Variants in NEBL observed in about 807,000 individuals in gnomAD.
The protein encoded by NEBL is nebulette, also known as LIM and SH3 protein 2.
A neutral mutation model predicts 140.2 loss-of-function variants in NEBL; 122 were observed. The ratio of observed to expected loss-of-function variants is 0.87; its 90% CI spans 0.75 to 1.01. The LOEUF (loss-of-function observed/expected upper bound fraction) is 1.01, where lower values mean the gene tolerates loss of function less well. NEBL is among the 50% of genes least tolerant of loss of function. The pLI, the probability that NEBL is intolerant of heterozygous loss-of-function variation, is 0.00. For synonymous variants in NEBL, 436 were observed against 398.9 expected (o/e 1.09, Z -1.11); for missense variants, 1,365 against 1,231.3 (o/e 1.11, Z -1.62).
At chr10:21,240,946 A>AC (rs61320302) in intron 3 of NEBL, among the ~76,000 whole-genome samples, 125 of 150,484 alleles carry the variant, frequency 8.3e-4, no homozygotes, top group Non-Finnish European at 1.3e-3. Context: ...ACACACACAC[A>AC]AAACCAGTAT....
chr10:20,782,352 T>C lies in NEBL; in HGVS notation c.*3395A>G, dbSNP rs1276378369. ...TGGTATATCTTTTATCCACTTTCTA[T>C]AGGGATGTGTTATTAAAGATCACAC... On this transcript the variant is annotated 3_prime_UTR_variant, in exon 28 of 28. Transcript: ENST00000377122. The C allele has an allele frequency of 6.6e-6, 1 of 152,646 alleles. No individual in the cohort carries two copies. The highest frequency in any genetic ancestry group is 1.9e-4 in the East Asian group (1 of 5,202). 9.5% of individuals were successfully genotyped at this position (152,646 alleles called of 1,614,324 possible). A position where few individuals can be genotyped will look rare whatever the true frequency, so the allele number is the denominator to read the frequency against.
intron 13 of NEBL, among the ~76,000 whole-genome samples, chr10:20,837,702 T>G (rs991675974): frequency 2.0e-5 from 3 of 152,184 alleles, no homozygotes; most frequent in East Asian, 1.9e-4. Flanking sequence ...GAGAAGTCAA[T>G]GTCTGCTTCA....
chr10:21,030,683 C>T (rs1033463948), intron 2 of NEBL: 32 of 489,328 alleles, frequency 6.5e-5, no homozygotes, highest in Non-Finnish European at 2.4e-5. Flanking sequence ...AAAGACCACA[C>T]TGGGAACTCT....
intron 26 of NEBL, among the ~76,000 whole-genome samples, chr10:20,797,436 A>C (rs1424351238): frequency 6.6e-6 from 1 of 152,222 alleles, no homozygotes; most frequent in African/African-American, 2.4e-5. Flanking sequence ...CCTAAGTGAC[A>C]AGCCACACTA....
In NEBL at chr10:21,068,394, G is replaced by A. The variant is rs555295715; in HGVS notation, c.165-48193C>T. On this transcript the variant is annotated intron_variant, in intron 2 of 6. Coordinates refer to the NEBL transcript ENST00000417816. Reference sequence around the variant, plus strand: ...GGCTGTTTCAACCCCTACTCCCTCAGTTTGTACTCTCCTGGCTACAGGGAT... The same window carrying A: ...GGCTGTTTCAACCCCTACTCCCTCAATTTGTACTCTCCTGGCTACAGGGAT... 2.8e-4 allele frequency among the ~76,000 whole-genome samples: 43 copies of A among 152,262 alleles called. 3 individuals carry two copies. The South Asian group carries it at 8.7e-3, about 31-fold the overall frequency.
chr10:20,819,410 C>T lies in NEBL; in HGVS notation c.2055+14G>A. On this transcript the variant is annotated intron_variant, in intron 20 of 27. Transcript: ENST00000377122. ...ATGTTTGAGAAAATATAAAAGGAAA[C>T]AGAAACGACTTGCCGCACTCAGCTG... 6.2e-7 allele frequency: 1 copy of T among 1,613,756 alleles called. No individual in the cohort carries two copies. Among genetic ancestry groups the T allele is most frequent in the South Asian group, 1.1e-5 (1 of 91,068 alleles).
At chr10:20,974,091 G>T (rs1011853999) in intron 3 of NEBL, among the ~76,000 whole-genome samples, 3 of 152,098 alleles carry the variant, frequency 2.0e-5, no homozygotes, top group Non-Finnish European at 4.4e-5. Context: ...GTGGTTTAGT[G>T]GTTACAACCC....
chr10:20,894,785 C>G (rs1472716971), intron 2 of NEBL, among the ~76,000 whole-genome samples: 10 of 150,216 alleles, frequency 6.7e-5, no homozygotes, highest in Non-Finnish European at 1.5e-5. Context: ...AAAAATTAGC[C>G]GGGCTTAGTG....
At chr10:20,791,639 C>G (rs537094001) in intron 26 of NEBL, among the ~76,000 whole-genome samples, 2 of 151,988 alleles carry the variant, frequency 1.3e-5, no homozygotes, top group African/African-American at 4.8e-5. Context: ...AAGCAATTAT[C>G]TTGTCTCAGA....
chr10:20,894,421 T>C, intron 2 of NEBL, among the ~76,000 whole-genome samples: 1 of 151,042 alleles, frequency 6.6e-6, no homozygotes, highest in Non-Finnish European at 1.5e-5. Context: ...TGCAGTGAGC[T>C]GCAGTCACAT....
chr10:20,883,642 CT>C (rs1435964753), intron 4 of NEBL, among the ~76,000 whole-genome samples: 1 of 152,138 alleles, frequency 6.6e-6, no homozygotes, highest in Non-Finnish European at 1.5e-5. Context: ...TGCCTATTTC[CT>C]TTTTCATGGT....
intron 2 of NEBL, chr10:21,110,884 C>G (rs3864841): frequency 0.45 from 271,028 of 596,510 alleles, 68,865 homozygotes; most frequent in African/African-American, 0.82. Flanking sequence ...AGTAACACTG[C>G]CAACTTTGAA....
intron 3 of NEBL, among the ~76,000 whole-genome samples, chr10:21,201,572 A>C (rs908695677): frequency 6.6e-6 from 1 of 152,076 alleles, no homozygotes; most frequent in Non-Finnish European, 1.5e-5. Context: ...ATGAACCTGA[A>C]TATGTATTTT....
At chr10:20,975,211 A>G (rs1836739412) in intron 3 of NEBL, among the ~76,000 whole-genome samples, 1 of 152,216 alleles carries the variant, frequency 6.6e-6, no homozygotes, top group African/African-American at 2.4e-5. Flanking sequence ...ACTGGACTTT[A>G]TAATTACAAA....
chr10:20,967,201 A>T (rs923445914), intron 3 of NEBL, among the ~76,000 whole-genome samples: 2 of 152,242 alleles, frequency 1.3e-5, no homozygotes, highest in African/African-American at 4.8e-5. Flanking sequence ...AAAATAGGAA[A>T]CAACCTAAAT....
At chr10:20,933,673 G>A (rs1834319402) in intron 4 of NEBL, among the ~76,000 whole-genome samples, 1 of 152,224 alleles carries the variant, frequency 6.6e-6, no homozygotes, top group African/African-American at 2.4e-5. Flanking sequence ...GGCAGAGGTT[G>A]CAGTGAGCCA....
intron 3 of NEBL, among the ~76,000 whole-genome samples, chr10:20,965,483 G>A (rs1341278986): frequency 6.6e-6 from 1 of 152,178 alleles, no homozygotes; most frequent in African/African-American, 2.4e-5. Context: ...ACAGAGCAAA[G>A]CCCTAAAACC....
At chr10:20,823,347 C>A (rs1223982053) in intron 18 of NEBL, 47 bp from the exon 19 acceptor site, 2 of 1,360,276 alleles carry the variant, frequency 1.5e-6, no homozygotes, top group South Asian at 2.5e-5. Context: ...CTATGCAAGG[C>A]TTTAAAATAT....
chr10:21,146,463 G>A (rs1197241087), intron 2 of NEBL: 2 of 1,613,680 alleles, frequency 1.2e-6, no homozygotes, highest in African/African-American at 1.3e-5. Context: ...GAAATTTCAG[G>A]TGCCATGCTT....
Sources: gnomAD v4.1 joint callset for allele counts (sites outside exome capture counted in the v4.1 genomes callset) on GRCh38, gnomAD v4.1.1 for gene constraint, MANE v1.5 for transcripts, NCBI Gene and HGNC (gene_info 2026-07-23, HGNC 2026-07-21) for gene names.